Variants in CTTNBP2 observed in about 807,000 individuals in gnomAD.
CTTNBP2 encodes the protein cortactin binding protein 2.
CTTNBP2 carries 108 observed loss-of-function variants against 156.9 expected under a neutral mutation model. That is an observed-to-expected ratio of 0.69 (90% CI 0.59 to 0.81). CTTNBP2 has a LOEUF of 0.81. Among genes scored for constraint, CTTNBP2 ranks in the 30% least tolerant of loss-of-function variants. The pLI is 0.00. For synonymous variants in CTTNBP2, 767 were observed against 751.8 expected (o/e 1.02, Z -0.33); for missense variants, 1,924 against 2,035.4 (o/e 0.95, Z 1.05).
Position 117,772,379 on chromosome 7 carries a change from A to C in CTTNBP2, c.2778+5132T>G, listed in dbSNP as rs990652178. On this transcript the variant is annotated intron_variant, in intron 8 of 22. Transcript: ENST00000160373. ...TGAGTTCTTTAAGTTAGGAAGATGG[A>C]GCAAGTAAACAAATGCCAGGTGATG... Among the ~76,000 whole-genome samples, 3 of 152,180 alleles carry C rather than the reference A, an allele frequency of 2.0e-5. No homozygotes were observed. In the East Asian group the frequency reaches 5.8e-4, roughly 29 times the overall value.
chr7:117,724,854 GT>G, intron 18 of CTTNBP2, 122 bp from the exon 19 acceptor site: 4 of 1,246,238 alleles, frequency 3.2e-6, no homozygotes, highest in Non-Finnish European at 4.4e-6. Context: ...CCAAGCTGGG[GT>G]TTTGTGAACC....
At position 117,725,181 on chromosome 7, in the gene CTTNBP2, T is replaced by G; in HGVS notation, c.4132A>C (p.Arg1378=). The change falls in exon 18 of 23, where the codon AGA becomes CGA. Residue 1378 remains arginine (R), a synonymous_variant. Transcript: ENST00000160373. ...GTTGTCTGCCCAAAGCCAGGTTGTC[T>G]TTTCACAGAGGCTCTTGACAATATT... The part of the protein sequence containing the change: ...EAILSRASVK[R]QPGFGQTTAK... 6.2e-7 allele frequency: 1 copy of G among 1,614,042 alleles called. No individual in the cohort carries two copies. Among genetic ancestry groups the G allele is most frequent in the Non-Finnish European group, 8.5e-7 (1 of 1,180,024 alleles).
chr7:117,773,253 T>C (rs1461052078), intron 8 of CTTNBP2, among the ~76,000 whole-genome samples: 1 of 152,220 alleles, frequency 6.6e-6, no homozygotes, highest in Non-Finnish European at 1.5e-5. Flanking sequence ...GAAGATGGAA[T>C]CCAAGTGTTG....
chr7:117,845,317 T>A (rs1252577380), intron 2 of CTTNBP2, among the ~76,000 whole-genome samples: 1 of 152,176 alleles, frequency 6.6e-6, no homozygotes, highest in Non-Finnish European at 1.5e-5. Context: ...GCTAGGGATA[T>A]GTTCACTCAC....
Position 117,867,889 on chromosome 7 carries a change from G to T in CTTNBP2, c.81+5446C>A, listed in dbSNP as rs570098826. ...AAGAAACTCAGTGTATTGAAAGGAG[G>T]TAATACTGACAAGGAAACAATGTCA... On this transcript the variant is annotated intron_variant, in intron 1 of 22. Transcript: ENST00000160373. Among the ~76,000 whole-genome samples, 12 of 152,274 alleles carry T rather than the reference G, an allele frequency of 7.9e-5. No homozygotes were observed. In the South Asian group the frequency reaches 2.5e-3, roughly 32 times the overall value.
intron 8 of CTTNBP2, among the ~76,000 whole-genome samples, chr7:117,773,810 G>T (rs1797945461): frequency 6.6e-6 from 1 of 152,000 alleles, no homozygotes. Context: ...GGAGAGAGGA[G>T]TATGCATTAA....
intron 9 of CTTNBP2, among the ~76,000 whole-genome samples, chr7:117,761,701 A>G (rs1197023114): frequency 6.6e-6 from 1 of 152,214 alleles, no homozygotes; most frequent in African/African-American, 2.4e-5. Flanking sequence ...TTTGCTTCAT[A>G]AATGTGTTTA....
intron 19 of CTTNBP2, among the ~76,000 whole-genome samples, chr7:117,722,879 C>A (rs1794882411): frequency 6.6e-6 from 1 of 152,150 alleles, no homozygotes; most frequent in Non-Finnish European, 1.5e-5. Flanking sequence ...CCGCATATTT[C>A]CAGGAGAGGT....
chr7:117,766,577 C>T (rs190129179), intron 9 of CTTNBP2, among the ~76,000 whole-genome samples: 1 of 152,284 alleles, frequency 6.6e-6, no homozygotes, highest in African/African-American at 2.4e-5. Flanking sequence ...CATAAACCCA[C>T]AAGTGAGCCT....
chr7:117,723,273 C>A (rs1193768062), intron 19 of CTTNBP2, among the ~76,000 whole-genome samples: 1 of 151,622 alleles, frequency 6.6e-6, no homozygotes, highest in Non-Finnish European at 1.5e-5. Context: ...AATTGGGGAA[C>A]CCTAGCATAT....
chr7:117,716,235 T>C (rs1423848694), intron 22 of CTTNBP2, among the ~76,000 whole-genome samples: 1 of 137,758 alleles, frequency 7.3e-6, no homozygotes, highest in Non-Finnish European at 1.6e-5. Flanking sequence ...TCAGTACTAC[T>C]TTTTTTTTGT....
At chr7:117,759,653 T>C (rs1797079761) in intron 10 of CTTNBP2, among the ~76,000 whole-genome samples, 2 of 152,220 alleles carry the variant, frequency 1.3e-5, no homozygotes, top group South Asian at 4.1e-4. Context: ...AGCTTTTCTA[T>C]CAGACAGAAT....
chr7:117,771,368 A>AGCCT (rs1797787649), intron 8 of CTTNBP2, among the ~76,000 whole-genome samples: 1 of 152,220 alleles, frequency 6.6e-6, no homozygotes, highest in Non-Finnish European at 1.5e-5. Context: ...TGCTGAGAAC[A>AGCCT]GCCTTGGGGT....
rs1302148587 is a variant in CTTNBP2 at position 117,773,706 on chromosome 7, CA to C, written c.2778+3804del. 2.8e-3 allele frequency among the ~76,000 whole-genome samples: 357 copies of C among 127,190 alleles called. 3 individuals are homozygous for C. The highest frequency in any genetic ancestry group is 6.5e-3 in the Admixed American group (80 of 12,346). The allele number at this position is 127,190 out of a possible 152,430, so 83.4% of individuals were successfully genotyped here. A position where few individuals can be genotyped will look rare whatever the true frequency, so the allele number is the denominator to read the frequency against. On this transcript the variant is annotated intron_variant, in intron 8 of 22. Transcript: ENST00000160373. Reference sequence around the variant, plus strand: ...ACACACACACACACACACACACACACACCCCAAAAAACAAAAAGCAGAAAAA... The same window carrying C: ...ACACACACACACACACACACACACACCCCCAAAAAACAAAAAGCAGAAAAA...
intron 4 of CTTNBP2, among the ~76,000 whole-genome samples, chr7:117,788,916 TG>T (rs991271163): frequency 2.6e-5 from 4 of 152,208 alleles, no homozygotes; most frequent in Non-Finnish European, 5.9e-5. Context: ...TAAAATACTT[TG>T]GTAAAATTGC....
intron 4 of CTTNBP2, among the ~76,000 whole-genome samples, chr7:117,787,602 GTGATTTC>G (rs1436676548): frequency 2.0e-5 from 3 of 152,218 alleles, no homozygotes; most frequent in African/African-American, 7.2e-5. Flanking sequence ...GTTGCCTGGA[GTGATTTC>G]TGGTTTAGGC....
rs181617043 is a variant in CTTNBP2, at chr7:117,851,870, G to T, written c.189+9339C>A. The stretch of plus-strand genomic sequence containing the variant: ...AGAAGGAAGCCCAATACACTTTTGA[G>T]ACTTTTTTATGAAAAATGTATTCCC... On this transcript the variant is annotated intron_variant, in intron 2 of 22. Coordinates refer to ENST00000160373, the MANE Select transcript of CTTNBP2 (RefSeq NM_033427.3). 3.0e-3 allele frequency among the ~76,000 whole-genome samples: 457 copies of T among 152,240 alleles called. 7 individuals carry two copies. Among genetic ancestry groups the T allele is most frequent in the Admixed American group, 0.024 (374 of 15,276 alleles).
At chr7:117,756,471 T>C in intron 12 of CTTNBP2, 84 bp downstream of exon 12, 1 of 1,037,062 alleles carries the variant, frequency 9.6e-7, no homozygotes, top group Non-Finnish European at 1.5e-6. Flanking sequence ...CTTGCACTCC[T>C]CCTTTAAACA....
chr7:117,807,740 C>T (rs1433714514), intron 3 of CTTNBP2, among the ~76,000 whole-genome samples: 1 of 152,194 alleles, frequency 6.6e-6, no homozygotes, highest in Non-Finnish European at 1.5e-5. Flanking sequence ...CTGGCATCAA[C>T]AGGGTGAAAA....
Sources: gnomAD v4.1 joint callset for allele counts (sites outside exome capture counted in the v4.1 genomes callset) on GRCh38, gnomAD v4.1.1 for gene constraint, MANE v1.5 for transcripts, NCBI Gene and HGNC (gene_info 2026-07-23, HGNC 2026-07-21) for gene names.